ARB2A: variants seen among roughly 807,000 people sequenced by gnomAD.
ARB2A encodes the protein ARB2 cotranscriptional regulator A.
chr5:94,054,491 T>C, the ARB2A span, among the ~76,000 whole-genome samples: 2 of 152,144 alleles, frequency 1.3e-5, no homozygotes, highest in Non-Finnish European at 2.9e-5. Flanking sequence ...GGAAAGAATA[T>C]CACTGAGGTC....
the ARB2A span, among the ~76,000 whole-genome samples, chr5:93,638,577 C>T: frequency 6.6e-6 from 1 of 151,868 alleles, no homozygotes; most frequent in East Asian, 1.9e-4. Context: ...CTTTGGGAGG[C>T]TGAGGCAGGC....
the ARB2A span, among the ~76,000 whole-genome samples, chr5:93,676,232 A>T: frequency 1.3e-5 from 2 of 151,644 alleles, no homozygotes. Context: ...AGTATCAAGA[A>T]AAAAAAAATG....
At chr5:93,834,118 T>A in the ARB2A span, among the ~76,000 whole-genome samples, 2 of 152,332 alleles carry the variant, frequency 1.3e-5, no homozygotes, top group South Asian at 4.1e-4. Context: ...ACTGAGCATT[T>A]CCAACCAGCA....
chr5:93,811,539 G>A, the ARB2A span, among the ~76,000 whole-genome samples: 1 of 152,072 alleles, frequency 6.6e-6, no homozygotes, highest in Non-Finnish European at 1.5e-5. Context: ...CCGGGACGTT[G>A]TCTGAGGGTT....
chr5:93,640,951 C>T, the ARB2A span, among the ~76,000 whole-genome samples: 3 of 151,964 alleles, frequency 2.0e-5, no homozygotes, highest in Admixed American at 6.6e-5. Flanking sequence ...CCTGTAATCC[C>T]AGCACTTTTG....
the ARB2A span, among the ~76,000 whole-genome samples, chr5:93,852,931 G>A: frequency 1.3e-4 from 20 of 151,818 alleles, no homozygotes; most frequent in African/African-American, 2.4e-4. Flanking sequence ...CTGACTTGGC[G>A]ATGTGGGCTC....
chr5:93,945,375 A>G, the ARB2A span, among the ~76,000 whole-genome samples: 3 of 150,886 alleles, frequency 2.0e-5, no homozygotes, highest in Non-Finnish European at 2.9e-5. Flanking sequence ...AGATTGCGCC[A>G]CTGCACTGCA....
the ARB2A span, among the ~76,000 whole-genome samples, chr5:93,727,174 GT>G: frequency 6.6e-6 from 1 of 151,858 alleles, no homozygotes; most frequent in African/African-American, 2.4e-5. Flanking sequence ...TAAGATTATG[GT>G]TTTTTTGTGG....
the ARB2A span, among the ~76,000 whole-genome samples, chr5:93,813,529 T>C: frequency 6.6e-6 from 1 of 152,178 alleles, no homozygotes; most frequent in Non-Finnish European, 1.5e-5. Context: ...AAGAGAGCAC[T>C]AAGGATGTGG....
chr5:93,778,424 G>C, the ARB2A span, among the ~76,000 whole-genome samples: 1 of 152,082 alleles, frequency 6.6e-6, no homozygotes, highest in African/African-American at 2.4e-5. Flanking sequence ...ATATGTAAAT[G>C]GATGATTTGT....
the ARB2A span, among the ~76,000 whole-genome samples, chr5:94,081,160 C>A: frequency 6.6e-6 from 1 of 152,126 alleles, no homozygotes; most frequent in Non-Finnish European, 1.5e-5. Flanking sequence ...ACTAGCATGG[C>A]TATAATCAAA....
the ARB2A span, among the ~76,000 whole-genome samples, chr5:94,032,802 A>G: frequency 6.6e-6 from 1 of 152,192 alleles, no homozygotes; most frequent in African/African-American, 2.4e-5. Flanking sequence ...TGTAGGTTTC[A>G]GACTTGCTTT....
chr5:93,977,310 A>AAAAAT, the ARB2A span, among the ~76,000 whole-genome samples: 5 of 152,112 alleles, frequency 3.3e-5, no homozygotes, highest in Non-Finnish European at 7.4e-5. Context: ...CTAAGCAAAA[A>AAAAAT]AAAATAAAAT....
At chr5:93,779,732 A>G in the ARB2A span, among the ~76,000 whole-genome samples, 2 of 152,210 alleles carry the variant, frequency 1.3e-5, no homozygotes, top group Admixed American at 6.5e-5. Flanking sequence ...AAAAAGAGAA[A>G]AATAGGTAAT....
chr5:93,757,704 C>T, the ARB2A span, among the ~76,000 whole-genome samples: 1 of 152,140 alleles, frequency 6.6e-6, no homozygotes, highest in African/African-American at 2.4e-5. Context: ...GCTACCACTA[C>T]AGGAACTGCT....
chr5:93,772,190 G>A, the ARB2A span, among the ~76,000 whole-genome samples: 1 of 152,110 alleles, frequency 6.6e-6, no homozygotes, highest in African/African-American at 2.4e-5. Context: ...ATCATTCTCA[G>A]TAAACTATCG....
At chr5:93,800,536 G>A in the ARB2A span, among the ~76,000 whole-genome samples, 1 of 151,852 alleles carries the variant, frequency 6.6e-6, no homozygotes, top group Non-Finnish European at 1.5e-5. Flanking sequence ...ATATTCCTTA[G>A]GCTACTGATT....
At chr5:94,005,314 T>C in the ARB2A span, among the ~76,000 whole-genome samples, 1 of 152,010 alleles carries the variant, frequency 6.6e-6, no homozygotes, top group Admixed American at 6.6e-5. Context: ...AGCAATTCTC[T>C]TGCCTCAGCC....
chr5:93,690,111 C>G, the ARB2A span, among the ~76,000 whole-genome samples: 1 of 152,270 alleles, frequency 6.6e-6, no homozygotes, highest in South Asian at 2.1e-4. Flanking sequence ...AAGTTCCAAG[C>G]ACAAAACTGG....
Sources: allele counts gnomAD v4.1 joint callset (sites outside exome capture counted in the v4.1 genomes callset), GRCh38; gene constraint gnomAD v4.1.1; transcripts MANE v1.5; gene names NCBI Gene and HGNC (gene_info 2026-07-23, HGNC 2026-07-21).